Variants in BCL11B observed in about 807,000 individuals in gnomAD.
The protein encoded by BCL11B is B-cell lymphoma/leukemia 11B.
Under a neutral mutation model 49.9 loss-of-function variants are expected in BCL11B, and 8 were observed. The observed-to-expected ratio is 0.16, with a 90% CI of 0.09 to 0.29. The LOEUF (loss-of-function observed/expected upper bound fraction) is 0.29, where lower values mean the gene tolerates loss of function less well. Ranked by LOEUF, BCL11B falls within the 10% of genes least tolerant of loss-of-function variation. The pLI is 1.00. For synonymous variants in BCL11B, 739 were observed against 637.4 expected, an observed-to-expected ratio of 1.16 and a Z score of -2.40; for missense variants, 1,006 against 1,351.0, an observed-to-expected ratio of 0.74 and a Z score of 4.00.
chr14:99,258,672 G>A (rs1380829059), intron 1 of BCL11B, among the ~76,000 whole-genome samples: 1 of 152,204 alleles, frequency 6.6e-6, no homozygotes, highest in Non-Finnish European at 1.5e-5. Flanking sequence ...CTCCTGCCAA[G>A]CACCCGAGGC....
chr14:99,271,030 C>G, intron 1 of BCL11B, 131 bp downstream of exon 1: 6 of 962,314 alleles, frequency 6.2e-6, no homozygotes, highest in Non-Finnish European at 8.6e-6. Context: ...CAGGCCGACG[C>G]CGTAGACTCT....
chr14:99,205,688 CA>C lies in BCL11B; in HGVS notation c.640+25656del, dbSNP rs1213156325. 3.9e-5 allele frequency among the ~76,000 whole-genome samples: 6 copies of C among 151,940 alleles called. No individual in the cohort carries two copies. The highest frequency in any genetic ancestry group is 2.0e-4 in the Admixed American group (3 of 15,258). Reference sequence around the variant, plus strand: ...ATGAGGTCAGGAATATGTAAATAAACAAACAGAGTACGTGGTAAGGAGCAGA... The same window carrying C: ...ATGAGGTCAGGAATATGTAAATAAACAACAGAGTACGTGGTAAGGAGCAGA... On this transcript the variant is annotated intron_variant, in intron 3 of 3. Coordinates refer to ENST00000357195, the MANE Select transcript of BCL11B (RefSeq NM_138576.4). This position sits in a 1 kb window ranked among gnomAD's most constrained non-coding sequence, Gnocchi z 5.0.
rs746201733 is a variant in BCL11B, at chr14:99,175,872, G to A, written c.964C>T (p.Arg322Cys). The A allele has an allele frequency of 6.8e-7, 1 of 1,470,540 alleles. No homozygotes were observed. Among genetic ancestry groups the A allele is most frequent in the Non-Finnish European group, 9.0e-7 (1 of 1,115,724 alleles). The allele number at this position is 1,470,540 out of a possible 1,614,324, so 91.1% of individuals were successfully genotyped here. The change falls in exon 4 of 4, where the codon CGC (arginine) becomes TGC (cysteine). Residue 322 changes from arginine (R) to cysteine (C), a missense_variant. Arg to Cys is a radical substitution (Grantham distance 180). Coordinates refer to ENST00000357195, the MANE Select transcript of BCL11B (RefSeq NM_138576.4). ...AGGCGGTGCGGGTCCAGGTGGTGGC[G>A]CGGCGGGGGACTGAAGAGAGGCGGC... is the stretch of plus-strand genomic sequence containing the variant. ...GTPPLFSPPP[R>C]HHLDPHRLSA...
rs765206096 is a variant in BCL11B, at chr14:99,242,791, T to G, written c.428-11234A>C. Among the ~76,000 whole-genome samples the G allele has an allele frequency of 2.6e-5, 4 of 152,220 alleles. No homozygotes were observed. The highest frequency in any genetic ancestry group is 9.6e-5 in the African/African-American group (4 of 41,466). ...TGCTGGAAAAAAGAAATCAAGACAC[T>G]TCCAAAGAAAAGCAACAACCAAAAA... On this transcript the variant is annotated intron_variant, in intron 2 of 3. Transcript: ENST00000357195. This position sits in a 1 kb window ranked among gnomAD's most constrained non-coding sequence, Gnocchi z 4.4.
At chr14:99,185,139 C>T (rs1886814583) in intron 3 of BCL11B, among the ~76,000 whole-genome samples, 1 of 152,022 alleles carries the variant, frequency 6.6e-6, no homozygotes, top group African/African-American at 2.4e-5. Flanking sequence ...AGGCAGGCAG[C>T]AAAACTACAT....
intron 3 of BCL11B, among the ~76,000 whole-genome samples, chr14:99,208,192 C>T (rs979757702): frequency 2.6e-5 from 4 of 152,186 alleles, no homozygotes; most frequent in Admixed American, 6.5e-5. Context: ...AAGCAAGAGG[C>T]GAAGGATCCT....
chr14:99,236,925 GC>G (rs1185130147), intron 2 of BCL11B, among the ~76,000 whole-genome samples: 4 of 152,330 alleles, frequency 2.6e-5, no homozygotes, highest in Admixed American at 2.0e-4. Context: ...CTAATTAGCA[GC>G]CCATGACATC....
intron 1 of BCL11B, among the ~76,000 whole-genome samples, chr14:99,265,313 C>T (rs1016741764): frequency 1.3e-5 from 2 of 152,194 alleles, no homozygotes; most frequent in Admixed American, 6.5e-5. Context: ...TTCTCCTTGT[C>T]CTCCCCAGAT....
At chr14:99,218,432 C>T (rs2139860163) in intron 3 of BCL11B, among the ~76,000 whole-genome samples, 1 of 152,048 alleles carries the variant, frequency 6.6e-6, no homozygotes, top group South Asian at 2.1e-4. Flanking sequence ...TGTGTTCTGA[C>T]TCAGCATGGG....
At chr14:99,263,444 C>T (rs762617148) in intron 1 of BCL11B, among the ~76,000 whole-genome samples, 1 of 152,148 alleles carries the variant, frequency 6.6e-6, no homozygotes, top group Non-Finnish European at 1.5e-5. Context: ...CCGCCAGCAG[C>T]GGAAACTTTG....
At position 99,173,608 on chromosome 14, in the gene BCL11B, CAGGACAAAAAAA is replaced by C. The variant is rs372531102; in HGVS notation, c.*531_*542del. On this transcript the variant is annotated 3_prime_UTR_variant, in exon 4 of 4. Transcript: ENST00000357195. ...AAAAACTGCATGCCACTTTTTATTT[CAGGACAAAAAAA>C]AGGAAGGAATGAAAAAGTAAACAAC... The C allele has an allele frequency of 5.6e-4, 107 of 190,878 alleles. No individual in the cohort carries two copies. The highest frequency in any genetic ancestry group is 2.5e-3 in the African/African-American group (102 of 41,366). 11.8% of individuals were successfully genotyped at this position (190,878 alleles called of 1,614,324 possible). A position where few individuals can be genotyped will look rare whatever the true frequency, so the allele number is the denominator to read the frequency against.
chr14:99,219,534 A>G (rs950629238), intron 3 of BCL11B, among the ~76,000 whole-genome samples: 5 of 152,100 alleles, frequency 3.3e-5, no homozygotes, highest in Admixed American at 2.0e-4. Context: ...CAGCCAAGGA[A>G]GCAAAACCAG....
At chr14:99,185,479 GTT>G (rs1886827113) in intron 3 of BCL11B, among the ~76,000 whole-genome samples, 1 of 150,656 alleles carries the variant, frequency 6.6e-6, no homozygotes, top group African/African-American at 2.5e-5. Context: ...GACCAGTAAT[GTT>G]CAAGCCAGAC....
intron 3 of BCL11B, among the ~76,000 whole-genome samples, chr14:99,212,694 C>G (rs151048777): frequency 1.7e-3 from 255 of 152,308 alleles, no homozygotes; most frequent in African/African-American, 5.8e-3. Context: ...TCCCAGAGAA[C>G]AACCCCTCCA....
intron 3 of BCL11B, among the ~76,000 whole-genome samples, chr14:99,229,153 T>TGGATGGAC (rs1555381719): frequency 5.0e-4 from 74 of 148,176 alleles, no homozygotes; most frequent in African/African-American, 1.7e-3. Context: ...GATGGATGGA[T>TGGATGGAC]GGACGGACGG....
rs758301675 is a variant in BCL11B, at chr14:99,174,379, G to C, written c.2457C>G (p.Thr819=). Residue 819 remains threonine (T), a synonymous_variant, in exon 4 of 4, where the codon ACC becomes ACG. Transcript: ENST00000357195. ...GCTCGCACTTGTAAGGCCGCTCGCC[G>C]GTGTGGCTCCGCCGGTGCACCGTCA... ...SNLTVHRRSH[T]GERPYKCELC... 9.7e-5 allele frequency: 157 copies of C among 1,613,374 alleles called. 1 individual carries two copies. The highest frequency in any genetic ancestry group is 1.3e-4 in the Non-Finnish European group (152 of 1,179,932).
At chr14:99,222,626 G>T (rs1888044051) in intron 3 of BCL11B, among the ~76,000 whole-genome samples, 1 of 152,204 alleles carries the variant, frequency 6.6e-6, no homozygotes, top group Admixed American at 6.5e-5. Context: ...CTGGTGGACT[G>T]AGGATCGGTG....
At chr14:99,239,306 A>T (rs1312760102) in intron 2 of BCL11B, among the ~76,000 whole-genome samples, 1 of 152,230 alleles carries the variant, frequency 6.6e-6, no homozygotes, top group Non-Finnish European at 1.5e-5. Context: ...CAAACAGTAT[A>T]CTACATGTCA....
At position 99,175,462 on chromosome 14, in the gene BCL11B, C is replaced by T. The variant is rs759125537; in HGVS notation, c.1374G>A (p.Gln458=). 1 of 1,611,704 alleles carries T rather than the reference C, an allele frequency of 6.2e-7. No homozygotes were observed. Among genetic ancestry groups the T allele is most frequent in the East Asian group, 2.2e-5 (1 of 44,676 alleles). The change falls in exon 4 of 4, where the codon CAG becomes CAA. Residue 458 remains glutamine, a synonymous_variant. Transcript: ENST00000357195. Reference sequence around the variant, plus strand: ...CCTGCGAGCACGCGTGGTCGCACAGCTGGCACTTGTAGGGCTTCTCGCCCG... The same window carrying T: ...CCTGCGAGCACGCGTGGTCGCACAGTTGGCACTTGTAGGGCTTCTCGCCCG... The part of the protein sequence containing the change: ...SHTGEKPYKC[Q]LCDHACSQAS...
Sources: gnomAD v4.1 joint callset for allele counts (sites outside exome capture counted in the v4.1 genomes callset) on GRCh38, gnomAD v4.1.1 for gene constraint, Gnocchi (gnomAD v3.1) non-coding constraint, MANE v1.5 for transcripts, NCBI Gene and HGNC (gene_info 2026-07-23, HGNC 2026-07-21) for gene names.